The following SV2B variants were observed in gnomAD, a reference collection of about 807,000 sequenced individuals.
SV2B encodes the protein solute carrier family 22 member B2.
Under a neutral mutation model 73.9 loss-of-function variants are expected in SV2B, and 41 were observed. That is an observed-to-expected ratio of 0.56 (90% CI 0.43 to 0.72). The LOEUF is 0.72. Among genes scored for constraint, SV2B ranks in the 30% least tolerant of loss-of-function variants. The probability of loss-of-function intolerance (pLI) is 0.00; values close to 1 mark genes in which losing one functional copy is unlikely to be tolerated. For synonymous variants in SV2B, 314 were observed against 314.2 expected (o/e 1.00, Z 0.01); for missense variants, 764 against 857.8 (o/e 0.89, Z 1.37).
At position 91,231,548 on chromosome 15, in the gene SV2B, A is replaced by G. The variant is rs1322414952; in HGVS notation, c.451+4834A>G. 1.3e-5 allele frequency among the ~76,000 whole-genome samples: 2 copies of G among 152,174 alleles called. No homozygotes were observed. Among genetic ancestry groups the G allele is most frequent in the Non-Finnish European group, 2.9e-5 (2 of 68,034 alleles). On this transcript the variant is annotated intron_variant, in intron 2 of 12. Transcript: ENST00000394232. This position sits in a 1 kb window ranked among gnomAD's most constrained non-coding sequence, Gnocchi z 4.5. ...ACTGCAATTACTTTTGCACCAACCT[A>G]TAGGATGACAATATTGGCGACACGT...
chr15:91,286,358 T>G (rs751958442), intron 11 of SV2B, among the ~76,000 whole-genome samples: 6 of 152,208 alleles, frequency 3.9e-5, no homozygotes, highest in Non-Finnish European at 7.3e-5. Context: ...TGCTGGGCTC[T>G]TTGTAGTGTG....
intron 9 of SV2B, among the ~76,000 whole-genome samples, chr15:91,277,134 C>T (rs1219821549): frequency 6.6e-6 from 1 of 151,908 alleles, no homozygotes; most frequent in African/African-American, 2.4e-5. Context: ...TTGTTTTACT[C>T]TTGCTTCTTT....
rs1296411437 is a variant in SV2B at position 91,298,436 on chromosome 15, T to C, written c.*5884T>C. ...TTGCAGAGGCATGGTGAGGAATTTA[T>C]ATGCATGGCTGTTGTGGCAGCAGCG... On this transcript the variant is annotated 3_prime_UTR_variant, in exon 13 of 13. Coordinates refer to ENST00000394232, the MANE Select transcript of SV2B (RefSeq NM_001323032.3). The surrounding 1 kb of genome is among the most constrained non-coding windows in gnomAD (Gnocchi z 5.4). 3.3e-5 allele frequency: 5 copies of C among 152,226 alleles called. No individual in the cohort carries two copies. The highest frequency in any genetic ancestry group is 7.3e-5 in the Non-Finnish European group (5 of 68,032). The allele number at this position is 152,226 out of a possible 1,614,324, so 9.4% of individuals were successfully genotyped here.
intron 1 of SV2B, among the ~76,000 whole-genome samples, chr15:91,215,001 G>A (rs2045976867): frequency 6.6e-6 from 1 of 152,222 alleles, no homozygotes; most frequent in South Asian, 2.1e-4. Flanking sequence ...GGGCTGCAGG[G>A]TAAACGGCCT....
At chr15:91,246,057 T>C (rs965662540) in intron 2 of SV2B, among the ~76,000 whole-genome samples, 138 of 104,032 alleles carry the variant, frequency 1.3e-3, no homozygotes, top group African/African-American at 5.2e-3. Flanking sequence ...TGAAGAAATA[T>C]GAGTTAGCAA....
At chr15:91,190,220 A>G (rs1162818344) in intron 1 of SV2B, among the ~76,000 whole-genome samples, 3 of 152,042 alleles carry the variant, frequency 2.0e-5, no homozygotes, top group East Asian at 1.9e-4. Flanking sequence ...GCTGTGATTT[A>G]TGTTCATCTT....
chr15:91,156,022 C>G (rs772732848), intron 1 of SV2B, among the ~76,000 whole-genome samples: 4 of 151,766 alleles, frequency 2.6e-5, no homozygotes, highest in Non-Finnish European at 5.9e-5. Flanking sequence ...AAATTTCAGG[C>G]AGAGGGGTTT....
In SV2B at chr15:91,236,185, A is replaced by G. The variant is rs1170719708; in HGVS notation, c.451+9471A>G. ...TCCCTTGGCAATGTCACCTTCAAAGACTTTAATGAGTTGTTTTTCCTCCAC... is the reference window on the plus strand; with the variant it reads ...TCCCTTGGCAATGTCACCTTCAAAGGCTTTAATGAGTTGTTTTTCCTCCAC... On this transcript the variant is annotated intron_variant, in intron 2 of 12. Coordinates refer to ENST00000394232, the MANE Select transcript of SV2B (RefSeq NM_001323032.3). This position sits in a 1 kb window ranked among gnomAD's most constrained non-coding sequence, Gnocchi z 4.1. Among the ~76,000 whole-genome samples, 1 of 152,202 alleles carries G rather than the reference A, an allele frequency of 6.6e-6. No homozygotes were observed.
chr15:91,200,337 C>T (rs758025284), intron 1 of SV2B, among the ~76,000 whole-genome samples: 13 of 152,122 alleles, frequency 8.5e-5, no homozygotes, highest in South Asian at 2.1e-4. Flanking sequence ...GGATATTGAT[C>T]GGGCCATATG....
chr15:91,175,753 A>C (rs1222549577), intron 1 of SV2B, among the ~76,000 whole-genome samples: 2 of 151,710 alleles, frequency 1.3e-5, no homozygotes, highest in Admixed American at 1.3e-4. Flanking sequence ...GATCTAATCT[A>C]ATCTTGATAT....
intron 1 of SV2B, among the ~76,000 whole-genome samples, chr15:91,215,679 C>CT (rs1002514997): frequency 3.3e-5 from 5 of 152,072 alleles, no homozygotes; most frequent in African/African-American, 1.2e-4. Flanking sequence ...ATCATTTTCT[C>CT]TTTTTTTCTT....
At chr15:91,125,103 T>C (rs1446826894) in intron 1 of SV2B, among the ~76,000 whole-genome samples, 3 of 152,230 alleles carry the variant, frequency 2.0e-5, no homozygotes, top group Non-Finnish European at 4.4e-5. Flanking sequence ...GCAAGCACCC[T>C]GGGGTCTCTG....
chr15:91,191,535 C>T (rs560787026), intron 1 of SV2B, among the ~76,000 whole-genome samples: 130 of 152,274 alleles, frequency 8.5e-4, no homozygotes, highest in African/African-American at 2.7e-3. Flanking sequence ...TAATTTTCTA[C>T]CCACTGACCC....
chr15:91,280,988 T>C lies in SV2B; in HGVS notation c.1374-740T>C, dbSNP rs1436545445. The stretch of plus-strand genomic sequence containing the variant: ...AATATATCTTAAAGATTATTCCATA[T>C]TAACACATATAGATCTACCTCATTT... On this transcript the variant is annotated intron_variant, in intron 9 of 12. Coordinates refer to ENST00000394232, the MANE Select transcript of SV2B (RefSeq NM_001323032.3). This position sits in a 1 kb window ranked among gnomAD's most constrained non-coding sequence, Gnocchi z 5.8. 2.6e-5 allele frequency among the ~76,000 whole-genome samples: 4 copies of C among 152,230 alleles called. No homozygotes were observed. The highest frequency in any genetic ancestry group is 5.9e-5 in the Non-Finnish European group (4 of 68,030).
intron 4 of SV2B, among the ~76,000 whole-genome samples, chr15:91,257,359 C>G: frequency 6.6e-6 from 1 of 152,208 alleles, no homozygotes; most frequent in Non-Finnish European, 1.5e-5. Flanking sequence ...AATTTGAACT[C>G]TGATCTCTGT....
intron 1 of SV2B, among the ~76,000 whole-genome samples, chr15:91,203,720 C>T (rs375481607): frequency 3.3e-5 from 5 of 152,206 alleles, no homozygotes; most frequent in African/African-American, 1.2e-4. Flanking sequence ...ACCTGGAGTC[C>T]AGTGTGAGGT....
intron 1 of SV2B, among the ~76,000 whole-genome samples, chr15:91,151,579 A>G (rs375189188): frequency 1.8e-4 from 27 of 152,388 alleles, no homozygotes; most frequent in African/African-American, 6.0e-4. Context: ...GAATTATTCT[A>G]CAGTTTTCAA....
In SV2B at chr15:91,106,695, T is replaced by C. The variant is rs934165060; in HGVS notation, c.-392+6332T>C. On this transcript the variant is annotated intron_variant, in intron 1 of 12. Coordinates refer to ENST00000394232, the MANE Select transcript of SV2B (RefSeq NM_001323032.3). This position sits in a 1 kb window ranked among gnomAD's most constrained non-coding sequence, Gnocchi z 4.4. ...TTTCAAAAAATGAGAAAAGATCCTT[T>C]AGAGGGAGGTGGCTGAAATTCAGGG... 6.6e-6 allele frequency among the ~76,000 whole-genome samples: 1 copy of C among 152,170 alleles called. No homozygotes were observed. Among genetic ancestry groups the C allele is most frequent in the Admixed American group, 6.5e-5 (1 of 15,274 alleles).
chr15:91,233,085 A>C (rs1653595272), intron 2 of SV2B, among the ~76,000 whole-genome samples: 2 of 152,126 alleles, frequency 1.3e-5, no homozygotes, highest in Non-Finnish European at 2.9e-5. Flanking sequence ...TATATGCACC[A>C]CCTTTTCTTT....
Sources: allele counts gnomAD v4.1 joint callset (sites outside exome capture counted in the v4.1 genomes callset), GRCh38; gene constraint gnomAD v4.1.1; non-coding constraint Gnocchi (gnomAD v3.1); transcripts MANE v1.5; gene names NCBI Gene and HGNC (gene_info 2026-07-23, HGNC 2026-07-21).